The following GCH1 variants were observed in gnomAD, a reference collection of about 807,000 sequenced individuals.
GCH1 encodes the protein GTP cyclohydrolase 1.
GCH1 carries 5 observed loss-of-function variants against 25.9 expected under a neutral mutation model. That is an observed-to-expected ratio of 0.19 (90% CI 0.10 to 0.41). The LOEUF (loss-of-function observed/expected upper bound fraction) is 0.41. GCH1 is among the 10% of genes least tolerant of loss of function. The pLI is 1.00. For synonymous variants in GCH1, 159 were observed against 129.6 expected, an observed-to-expected ratio of 1.23 and a Z score of -1.54; for missense variants, 261 against 336.5, an observed-to-expected ratio of 0.78 and a Z score of 1.75.
intron 1 of GCH1, among the ~76,000 whole-genome samples, chr14:54,874,919 T>C (rs944956605): frequency 5.3e-5 from 8 of 151,642 alleles, no homozygotes; most frequent in African/African-American, 1.7e-4. Flanking sequence ...ATAGATTCAA[T>C]GCCATCCCCA....
At chr14:54,884,078 A>C (rs574991522) in intron 1 of GCH1, among the ~76,000 whole-genome samples, 2 of 152,358 alleles carry the variant, frequency 1.3e-5, no homozygotes, top group African/African-American at 4.8e-5. Context: ...AATACAATAA[A>C]GTTTTCATAG....
intron 3 of GCH1, among the ~76,000 whole-genome samples, chr14:54,856,823 C>T (rs2039819026): frequency 6.6e-6 from 1 of 152,160 alleles, no homozygotes; most frequent in Non-Finnish European, 1.5e-5. Flanking sequence ...AAAGAAAGTT[C>T]TATTCAAACT....
chr14:54,851,207 A>C (rs2039725167), intron 3 of GCH1, among the ~76,000 whole-genome samples: 2 of 152,226 alleles, frequency 1.3e-5, no homozygotes, highest in African/African-American at 4.8e-5. Context: ...CTTACACCTT[A>C]TACAAAAATT....
intron 1 of GCH1, among the ~76,000 whole-genome samples, chr14:54,888,712 A>G (rs2040386726): frequency 6.8e-6 from 1 of 147,494 alleles, no homozygotes; most frequent in Non-Finnish European, 1.5e-5. Context: ...TTTAGTAGAG[A>G]CAGGGTTTCA....
chr14:54,894,021 G>A (rs777622027), intron 1 of GCH1, among the ~76,000 whole-genome samples: 5 of 152,150 alleles, frequency 3.3e-5, no homozygotes, highest in East Asian at 1.9e-4. Context: ...CATTCCCAGC[G>A]TTCAGTGAAG....
intron 3 of GCH1, among the ~76,000 whole-genome samples, chr14:54,858,456 T>C (rs1004337090): frequency 3.3e-5 from 5 of 152,096 alleles, no homozygotes; most frequent in African/African-American, 1.2e-4. Flanking sequence ...CAGCTAATCT[T>C]TGTATTTTTA....
chr14:54,851,786 T>A (rs1259938156), intron 3 of GCH1, among the ~76,000 whole-genome samples: 1 of 152,168 alleles, frequency 6.6e-6, no homozygotes, highest in Non-Finnish European at 1.5e-5. Flanking sequence ...GACTGTAAAC[T>A]AGTTCAACCA....
intron 2 of GCH1, among the ~76,000 whole-genome samples, chr14:54,864,099 C>T (rs2039958736): frequency 6.6e-6 from 1 of 152,050 alleles, no homozygotes; most frequent in Non-Finnish European, 1.5e-5. Flanking sequence ...TGGGTTCAAG[C>T]AATCCACCTA....
At position 54,887,329 on chromosome 14, in the gene GCH1, C is replaced by T. The variant is rs185692950; in HGVS notation, c.343+14992G>A. Among the ~76,000 whole-genome samples, 279 of 152,282 alleles carry T rather than the reference C, an allele frequency of 1.8e-3. 1 individual carries two copies. Among genetic ancestry groups the T allele is most frequent in the Non-Finnish European group, 3.4e-3 (233 of 68,030 alleles). The stretch of plus-strand genomic sequence containing the variant: ...GACAGTGCATGAAGTACAGAGCATT[C>T]CTGCTAAAAATGTTTTCCAGGAATT... On this transcript the variant is annotated intron_variant, in intron 1 of 5. Coordinates refer to ENST00000491895, the MANE Select transcript of GCH1 (RefSeq NM_000161.3).
chr14:54,843,779 T>G lies in GCH1; in HGVS notation c.*238A>C. 6.2e-7 allele frequency: 1 copy of G among 1,614,068 alleles called. No homozygotes were observed. Among genetic ancestry groups the G allele is most frequent in the Non-Finnish European group, 8.5e-7 (1 of 1,179,930 alleles). Reference sequence around the variant, plus strand: ...CTGGCAGTGGTTTTGTGCACGTACTTACACTATTAGCAGTTCACTTTAATA... The same window carrying G: ...CTGGCAGTGGTTTTGTGCACGTACTGACACTATTAGCAGTTCACTTTAATA... On this transcript the variant is annotated 3_prime_UTR_variant, in exon 6 of 6. Coordinates refer to ENST00000491895, the MANE Select transcript of GCH1 (RefSeq NM_000161.3).
rs1160805983 is a variant in GCH1 at position 54,842,487 on chromosome 14, C to T, written c.*1530G>A. The T allele has an allele frequency of 6.6e-6, 1 of 152,594 alleles. No individual in the cohort carries two copies. The highest frequency in any genetic ancestry group is 2.4e-5 in the African/African-American group (1 of 41,414). The allele number at this position is 152,594 out of a possible 1,614,324, so 9.5% of individuals were successfully genotyped here. A position where few individuals can be genotyped will look rare whatever the true frequency, so the allele number is the denominator to read the frequency against. On this transcript the variant is annotated 3_prime_UTR_variant, in exon 6 of 6. Coordinates refer to ENST00000491895, the MANE Select transcript of GCH1 (RefSeq NM_000161.3). ...ATACTGGGCTAGATTTAAAAAGGTA[C>T]TCAAGCCAACCATCACTGTACTTAA...
intron 1 of GCH1, among the ~76,000 whole-genome samples, chr14:54,871,163 G>A (rs563544928): frequency 1.3e-5 from 2 of 152,316 alleles, no homozygotes; most frequent in South Asian, 2.1e-4. Context: ...CCAGAGGAAC[G>A]ATCAGGCAGC....
At chr14:54,852,242 C>T (rs7140523) in intron 3 of GCH1, among the ~76,000 whole-genome samples, 3,844 of 152,266 alleles carry the variant, frequency 0.025, 155 homozygotes, top group African/African-American at 0.087. Flanking sequence ...GTCACAAAAA[C>T]GTCAACAAAC....
chr14:54,877,650 T>C (rs1481628808), intron 1 of GCH1, among the ~76,000 whole-genome samples: 1 of 152,102 alleles, frequency 6.6e-6, no homozygotes. Flanking sequence ...CAAGCCACCA[T>C]GCCTGGCTAA....
intron 1 of GCH1, among the ~76,000 whole-genome samples, chr14:54,888,668 AC>A (rs1273168192): frequency 2.8e-5 from 4 of 141,546 alleles, no homozygotes; most frequent in African/African-American, 1.1e-4. Context: ...GCCCACAACC[AC>A]GCCCGGCTAA....
chr14:54,867,733 T>C (rs1250781024), intron 1 of GCH1, among the ~76,000 whole-genome samples: 1 of 151,850 alleles, frequency 6.6e-6, no homozygotes, highest in South Asian at 2.1e-4. Flanking sequence ...GAGGATTAAA[T>C]GGGCACATGT....
chr14:54,874,898 C>T (rs560230361), intron 1 of GCH1, among the ~76,000 whole-genome samples: 29 of 152,020 alleles, frequency 1.9e-4, no homozygotes, highest in Middle Eastern at 3.4e-3. Context: ...ATCAATATCG[C>T]GAAAATGGCC....
rs1443321849 is a variant in GCH1 at position 54,869,107 on chromosome 14, C to T, written c.344-3671G>A. Among the ~76,000 whole-genome samples, 3 of 151,940 alleles carry T rather than the reference C, an allele frequency of 2.0e-5. No individual in the cohort carries two copies. The East Asian group carries it at 5.8e-4, about 30-fold the overall frequency. On this transcript the variant is annotated intron_variant, in intron 1 of 5. Coordinates refer to ENST00000491895, the MANE Select transcript of GCH1 (RefSeq NM_000161.3). ...AGGCTGGAGTGCAATGGCGTGGTCTCGGCTCACTGCAACCTTCGCCTCCCG... is the reference window on the plus strand; with the variant it reads ...AGGCTGGAGTGCAATGGCGTGGTCTTGGCTCACTGCAACCTTCGCCTCCCG...
chr14:54,845,415 T>C (rs1594969606), intron 5 of GCH1, among the ~76,000 whole-genome samples: 1 of 151,342 alleles, frequency 6.6e-6, no homozygotes, highest in Non-Finnish European at 1.5e-5. Context: ...GAGGTGGAGG[T>C]TGCAGTGAGC....
Sources: gnomAD v4.1 joint callset for allele counts (sites outside exome capture counted in the v4.1 genomes callset) on GRCh38, gnomAD v4.1.1 for gene constraint, MANE v1.5 for transcripts, NCBI Gene and HGNC (gene_info 2026-07-23, HGNC 2026-07-21) for gene names.